Variants in PLAG1 observed in about 807,000 individuals in gnomAD.
PLAG1 encodes zinc finger protein PLAG1.
Under a neutral mutation model 35.5 loss-of-function variants are expected in PLAG1, and 7 were observed. The ratio of observed to expected loss-of-function variants is 0.20; its 90% CI spans 0.11 to 0.37. The LOEUF is 0.37. Ranked by LOEUF, PLAG1 falls within the 10% of genes least tolerant of loss-of-function variation. PLAG1 has a pLI of 1.00. For missense variants in PLAG1, 454 were observed against 602.8 expected (o/e 0.75, Z 2.58); for synonymous variants, 229 against 225.4 (o/e 1.02, Z -0.14).
At chr8:56,186,224 T>C (rs1482485016) in intron 1 of PLAG1, among the ~76,000 whole-genome samples, 1 of 152,228 alleles carries the variant, frequency 6.6e-6, no homozygotes, top group Non-Finnish European at 1.5e-5. Context: ...TAGGTGCCTA[T>C]ACAACTTGCT....
chr8:56,207,024 A>G (rs530700766), intron 1 of PLAG1, among the ~76,000 whole-genome samples: 29 of 152,144 alleles, frequency 1.9e-4, no homozygotes, highest in African/African-American at 7.0e-4. Context: ...ACCAAAAAGA[A>G]TATGTATTCC....
chr8:56,173,815 G>C (rs1290857184), intron 2 of PLAG1, among the ~76,000 whole-genome samples: 1 of 152,036 alleles, frequency 6.6e-6, no homozygotes, highest in Non-Finnish European at 1.5e-5. Flanking sequence ...GAGAGAGTAT[G>C]GCGTGTTTGT....
Position 56,210,818 on chromosome 8 carries a change from C to G in PLAG1, c.-322+303G>C, listed in dbSNP as rs567153847. 1.6e-3 allele frequency among the ~76,000 whole-genome samples: 237 copies of G among 151,676 alleles called. 2 individuals are homozygous for G. The highest frequency in any genetic ancestry group is 5.4e-3 in the African/African-American group (224 of 41,382). The stretch of plus-strand genomic sequence containing the variant: ...GAAAACTTTTCAAACTTTCCAGACC[C>G]TGAATAAAGGTTTTTTTTTTTTTCC... On this transcript the variant is annotated intron_variant, in intron 1 of 4. Coordinates refer to ENST00000316981, the MANE Select transcript of PLAG1 (RefSeq NM_002655.3).
At chr8:56,184,840 T>C (rs34952804) in intron 1 of PLAG1, among the ~76,000 whole-genome samples, 21,754 of 152,030 alleles carry the variant, frequency 0.14, 1,798 homozygotes, top group Middle Eastern at 0.19. Flanking sequence ...TCACTTGAAC[T>C]TGGGAGGCTT....
At chr8:56,169,015 C>G (rs577144071) in intron 3 of PLAG1, among the ~76,000 whole-genome samples, 23 of 152,318 alleles carry the variant, frequency 1.5e-4, no homozygotes, top group African/African-American at 5.1e-4. Context: ...AATGATTCAT[C>G]TTCCTAACAA....
intron 1 of PLAG1, among the ~76,000 whole-genome samples, chr8:56,208,486 T>G (rs1214759872): frequency 6.6e-6 from 1 of 152,210 alleles, no homozygotes; most frequent in Non-Finnish European, 1.5e-5. Context: ...TTACAGAAAG[T>G]TGGAAGAACT....
intron 1 of PLAG1, among the ~76,000 whole-genome samples, chr8:56,200,614 C>T (rs1812520145): frequency 1.3e-5 from 2 of 152,324 alleles, no homozygotes; most frequent in South Asian, 4.1e-4. Flanking sequence ...TTTTCACAAT[C>T]AGATCTCAGC....
At chr8:56,183,371 T>A (rs764369202) in intron 1 of PLAG1, among the ~76,000 whole-genome samples, 2 of 152,220 alleles carry the variant, frequency 1.3e-5, no homozygotes, top group African/African-American at 2.4e-5. Flanking sequence ...AAGTGTGATA[T>A]GCATGTGACA....
At chr8:56,179,672 T>C (rs1425981398) in intron 1 of PLAG1, among the ~76,000 whole-genome samples, 159 bp from the exon 2 acceptor site, 2 of 152,190 alleles carry the variant, frequency 1.3e-5, no homozygotes, top group Non-Finnish European at 2.9e-5. Flanking sequence ...GTATAGTACA[T>C]GGAAAAATGA....
chr8:56,190,401 G>C lies in PLAG1; in HGVS notation c.-321-10888C>G, dbSNP rs1314662637. Among the ~76,000 whole-genome samples the C allele has an allele frequency of 2.0e-5, 3 of 152,200 alleles. No homozygotes were observed. In the East Asian group the frequency reaches 5.8e-4, roughly 29 times the overall value. On this transcript the variant is annotated intron_variant, in intron 1 of 4. Coordinates refer to ENST00000316981, the MANE Select transcript of PLAG1 (RefSeq NM_002655.3). ...TGCTCTAAGGTCACAGAAGCCAAGG[G>C]AAGAGAATGTTTCAGGGAGGTAGAG...
intron 1 of PLAG1, among the ~76,000 whole-genome samples, chr8:56,181,186 A>T (rs892901286): frequency 1.1e-4 from 16 of 152,216 alleles, no homozygotes; most frequent in Non-Finnish European, 1.6e-4. Flanking sequence ...TGAACTAGAA[A>T]TACCATTTGA....
chr8:56,192,844 C>G (rs1812227737), intron 1 of PLAG1, among the ~76,000 whole-genome samples: 1 of 152,024 alleles, frequency 6.6e-6, no homozygotes, highest in Non-Finnish European at 1.5e-5. Context: ...AACAGGGATG[C>G]AATCCGCAGA....
chr8:56,191,970 T>C (rs1037763298), intron 1 of PLAG1, among the ~76,000 whole-genome samples: 3 of 152,190 alleles, frequency 2.0e-5, no homozygotes, highest in Non-Finnish European at 4.4e-5. Flanking sequence ...TGGGGTTAAC[T>C]GGGATTTTTG....
chr8:56,208,375 T>A (rs1585835261), intron 1 of PLAG1, among the ~76,000 whole-genome samples: 3 of 152,278 alleles, frequency 2.0e-5, no homozygotes, highest in East Asian at 1.9e-4. Flanking sequence ...ATGAGATTAA[T>A]CTTTTAATGA....
intron 1 of PLAG1, among the ~76,000 whole-genome samples, chr8:56,187,974 C>A (rs777994101): frequency 9.7e-4 from 148 of 152,156 alleles, no homozygotes; most frequent in Non-Finnish European, 2.6e-4. Flanking sequence ...TATTGACTAT[C>A]CAGCAATGGA....
At chr8:56,175,492 T>C (rs552758116) in intron 2 of PLAG1, among the ~76,000 whole-genome samples, 52 of 152,298 alleles carry the variant, frequency 3.4e-4, no homozygotes, top group Admixed American at 1.6e-3. Flanking sequence ...ATTTTATAAC[T>C]GGATTGTGGA....
intron 1 of PLAG1, among the ~76,000 whole-genome samples, chr8:56,210,114 G>T (rs1453335601): frequency 6.6e-6 from 1 of 151,890 alleles, no homozygotes; most frequent in Non-Finnish European, 1.5e-5. Flanking sequence ...CTCATTGTCG[G>T]TTGAGTTATA....
intron 1 of PLAG1, among the ~76,000 whole-genome samples, chr8:56,190,285 G>A (rs561788230): frequency 6.6e-6 from 1 of 152,264 alleles, no homozygotes; most frequent in African/African-American, 2.4e-5. Flanking sequence ...GGCACGGAGA[G>A]GGGAAAGGAG....
intron 1 of PLAG1, among the ~76,000 whole-genome samples, chr8:56,200,429 C>T (rs974654884): frequency 2.0e-5 from 3 of 152,232 alleles, no homozygotes; most frequent in African/African-American, 7.2e-5. Flanking sequence ...GCAGCGGGCC[C>T]CGCTTCCAAT....
Sources: allele counts gnomAD v4.1 joint callset (sites outside exome capture counted in the v4.1 genomes callset), GRCh38; gene constraint gnomAD v4.1.1; transcripts MANE v1.5; gene names NCBI Gene and HGNC (gene_info 2026-07-23, HGNC 2026-07-21).